ZNF674: variants seen among roughly 807,000 people sequenced by gnomAD.
ZNF674 encodes the protein zinc finger family member 674.
In ZNF674, 2 loss-of-function variants were observed where a neutral mutation model predicts 7.0. The ratio of observed to expected loss-of-function variants is 0.29; its 90% CI spans 0.12 to 0.90. The LOEUF is 0.90. ZNF674 is among the 40% of genes least tolerant of loss of function. The pLI is 0.57. For missense variants in ZNF674, 297 were observed against 415.5 expected (o/e 0.71, Z 2.48); for synonymous variants, 103 against 145.2 (o/e 0.71, Z 2.09).
chrX:46,540,161 G>A (rs185358480), intron 3 of ZNF674, among the ~76,000 whole-genome samples: 45 of 110,628 alleles, frequency 4.1e-4, no homozygotes, highest in African/African-American at 1.2e-3. Flanking sequence ...GGAGAATGGC[G>A]GGAACCCAGG....
chrX:46,524,777 G>C (rs1941979149), intron 5 of ZNF674, among the ~76,000 whole-genome samples: 1 of 110,847 alleles, frequency 9.0e-6, no homozygotes, highest in Non-Finnish European at 1.9e-5. Context: ...TTGGGAGGCT[G>C]AGATGGAGGA....
chrX:46,511,025 A>G (rs927415694), intron 5 of ZNF674, among the ~76,000 whole-genome samples: 3 of 111,900 alleles, frequency 2.7e-5, no homozygotes, highest in African/African-American at 9.7e-5. Context: ...TAATATGTGC[A>G]AAGCATACAG....
At chrX:46,502,365 A>G (rs966393756) in intron 5 of ZNF674, among the ~76,000 whole-genome samples, 4 of 110,312 alleles carry the variant, frequency 3.6e-5, no homozygotes, top group Non-Finnish European at 7.6e-5. Flanking sequence ...ATCATTAGAA[A>G]GAATTGACCG....
chrX:46,500,435 T>A lies in ZNF674; in HGVS notation c.1139A>T (p.Tyr380Phe). ...HWRTHTKENI[Y>F]ECSKCGKSFR... ...GCTTTTCCCACATTTACTACACTCA[T>A]AAATGTTCTCTTTTGTATGAGTTCT... The change falls in exon 6 of 6, where the codon TAT becomes TTT. Residue 380 changes from tyrosine to phenylalanine, a missense_variant. By Grantham distance (22) the Tyr-to-Phe change is conservative (BLOSUM62 3). Transcript: ENST00000683375. 1 of 1,211,812 alleles carries A rather than the reference T, an allele frequency of 8.3e-7. No individual in the cohort carries two copies. The highest frequency in any genetic ancestry group is 1.1e-6 in the Non-Finnish European group (1 of 895,274).
chrX:46,504,952 G>C (rs756148784), intron 5 of ZNF674, among the ~76,000 whole-genome samples: 27 of 107,964 alleles, frequency 2.5e-4, no homozygotes, highest in Non-Finnish European at 4.4e-4. Flanking sequence ...TGCAGTGGTG[G>C]GATCTCGGCT....
Position 46,524,698 on chromosome X carries a change from GA to G in ZNF674, c.238+3651del, listed in dbSNP as rs566678084. Among the ~76,000 whole-genome samples the G allele has an allele frequency of 7.0e-3, 532 of 75,536 alleles. 4 individuals are homozygous for G. The highest frequency in any genetic ancestry group is 0.045 in the South Asian group (68 of 1,521). 65.6% of individuals were successfully genotyped at this position (75,536 alleles called of 115,157 possible). Reference sequence around the variant, plus strand: ...AGATTCCGTCTCGAAAAGAAAAAAAGAAAAAAAAAAAAAAGAAAAATCTGCA... The same window carrying G: ...AGATTCCGTCTCGAAAAGAAAAAAAGAAAAAAAAAAAAAGAAAAATCTGCA... On this transcript the variant is annotated intron_variant, in intron 5 of 5. Transcript: ENST00000683375.
chrX:46,502,531 G>C (rs2146588251), intron 5 of ZNF674, among the ~76,000 whole-genome samples: 1 of 110,930 alleles, frequency 9.0e-6, no homozygotes, highest in South Asian at 3.7e-4. Context: ...GTATTTTTAA[G>C]GTAGGCATTA....
intron 3 of ZNF674, 114 bp from the exon 4 acceptor site, chrX:46,529,023 T>A (rs5906232): frequency 2.6e-6 from 3 of 1,174,617 alleles, no homozygotes; most frequent in Non-Finnish European, 3.4e-6. Flanking sequence ...TTACATGTAC[T>A]AAAGATTTCA....
At position 46,511,141 on chromosome X, in the gene ZNF674, A is replaced by C. The variant is rs763706107; in HGVS notation, c.239-9806T>G. ...CACTAAAATCAGAAACAAAGAATGC[A>C]ATATCATTGTATCTATTAAACATTG... On this transcript the variant is annotated intron_variant, in intron 5 of 5. Coordinates refer to ENST00000683375, the MANE Select transcript of ZNF674 (RefSeq NM_001190417.2). Among the ~76,000 whole-genome samples the C allele has an allele frequency of 7.5e-4, 84 of 112,440 alleles. 1 individual carries two copies. Among genetic ancestry groups the C allele is most frequent in the African/African-American group, 2.6e-3 (80 of 31,042 alleles).
chrX:46,533,829 A>AAAAAAAAAAAAAAAAT (rs1415090691), intron 3 of ZNF674, among the ~76,000 whole-genome samples: 1 of 65,554 alleles, frequency 1.5e-5, no homozygotes, highest in South Asian at 8.3e-4. Context: ...AAAAAAAAAA[A>AAAAAAAAAAAAAAAAT]ATATATATAT....
intron 5 of ZNF674, 183 bp downstream of exon 5, chrX:46,528,167 C>A (rs773687444): frequency 2.2e-5 from 11 of 510,746 alleles, no homozygotes; most frequent in South Asian, 8.0e-5. Context: ...GAACACAGAG[C>A]CTGTAACCGG....
At chrX:46,537,751 A>G (rs968222478) in intron 3 of ZNF674, among the ~76,000 whole-genome samples, 1 of 112,283 alleles carries the variant, frequency 8.9e-6, no homozygotes, top group African/African-American at 3.2e-5. Context: ...TAATCTGACA[A>G]TATTTCCCTT....
At chrX:46,515,445 C>A (rs1569474406) in intron 5 of ZNF674, among the ~76,000 whole-genome samples, 1 of 110,153 alleles carries the variant, frequency 9.1e-6, no homozygotes, top group Non-Finnish European at 1.9e-5. Context: ...TCTGAATAAC[C>A]CAGTATCTAT....
chrX:46,511,112 T>G (rs1941645649), intron 5 of ZNF674, among the ~76,000 whole-genome samples: 1 of 112,147 alleles, frequency 8.9e-6, no homozygotes, highest in African/African-American at 3.2e-5. Context: ...TTCATGATTA[T>G]TTCCACTAAA....
chrX:46,528,479 T>C, intron 4 of ZNF674, 34 bp from the exon 5 acceptor site: 1 of 1,182,023 alleles, frequency 8.5e-7, no homozygotes, highest in Non-Finnish European at 1.2e-6. Context: ...ACTTTGTTAT[T>C]AATGCTGAGG....
chrX:46,539,969 GT>G (rs1163875108), intron 3 of ZNF674, among the ~76,000 whole-genome samples: 4 of 112,345 alleles, frequency 3.6e-5, no homozygotes, highest in African/African-American at 1.3e-4. Flanking sequence ...TCCTGGCCGG[GT>G]GCGGGGGCTC....
intron 3 of ZNF674, among the ~76,000 whole-genome samples, chrX:46,533,811 C>CA (rs763490420): frequency 5.2e-3 from 124 of 23,849 alleles, no homozygotes; most frequent in South Asian, 0.013. Flanking sequence ...GACCCTGTCT[C>CA]AAAAAAAAAA....
At chrX:46,529,050 T>A in intron 3 of ZNF674, 141 bp from the exon 4 acceptor site, 1 of 1,052,871 alleles carries the variant, frequency 9.5e-7, no homozygotes, top group Non-Finnish European at 1.3e-6. Context: ...GCCGCCACCC[T>A]AGAAGGAACT....
At chrX:46,503,188 C>T (rs772133545) in intron 5 of ZNF674, among the ~76,000 whole-genome samples, 3 of 112,241 alleles carry the variant, frequency 2.7e-5, no homozygotes, top group Non-Finnish European at 3.8e-5. Context: ...CAACATCAGA[C>T]TTCTTCAAAA....
Sources: allele counts gnomAD v4.1 joint callset (sites outside exome capture counted in the v4.1 genomes callset), GRCh38; gene constraint gnomAD v4.1.1; transcripts MANE v1.5; gene names NCBI Gene and HGNC (gene_info 2026-07-23, HGNC 2026-07-21).